PDE1C: variants seen among roughly 807,000 people sequenced by gnomAD.
The protein encoded by PDE1C is dual specificity calcium/calmodulin-dependent 3',5'-cyclic nucleotide phosphodiesterase 1C.
PDE1C carries 62 observed loss-of-function variants against 93.1 expected under a neutral mutation model. The observed-to-expected ratio is 0.67, with a 90% CI of 0.54 to 0.82. The LOEUF (loss-of-function observed/expected upper bound fraction) is 0.82. PDE1C is among the 40% of genes least tolerant of loss of function. The pLI, the probability that PDE1C is intolerant of heterozygous loss-of-function variation, is 0.00. For synonymous variants in PDE1C, 325 were observed against 310.1 expected (o/e 1.05, Z -0.50); for missense variants, 742 against 884.6 (o/e 0.84, Z 2.04).
At chr7:32,189,622 T>A (rs1024473970) in intron 2 of PDE1C, among the ~76,000 whole-genome samples, 3 of 152,186 alleles carry the variant, frequency 2.0e-5, no homozygotes, top group African/African-American at 7.2e-5. Flanking sequence ...ATATAGTATA[T>A]ATGATGTGCT....
chr7:31,783,034 A>G (rs1450023677), intron 16 of PDE1C, among the ~76,000 whole-genome samples: 1 of 152,190 alleles, frequency 6.6e-6, no homozygotes, highest in Admixed American at 6.5e-5. Flanking sequence ...ACGTGACCCC[A>G]TGGTAAGTCA....
intron 2 of PDE1C, among the ~76,000 whole-genome samples, chr7:32,000,951 T>C (rs774481107): frequency 9.9e-5 from 15 of 152,190 alleles, no homozygotes; most frequent in Non-Finnish European, 1.6e-4. Context: ...AAGGTCGAGA[T>C]TGATCTCTCC....
intron 16 of PDE1C, among the ~76,000 whole-genome samples, chr7:31,799,542 G>A (rs896762852): frequency 6.6e-6 from 1 of 151,380 alleles, no homozygotes; most frequent in Non-Finnish European, 1.5e-5. Flanking sequence ...TAACTTGTTA[G>A]GAATCATCTA....
the PDE1C span, among the ~76,000 whole-genome samples, chr7:31,739,194 C>G: frequency 8.7e-6 from 1 of 114,804 alleles, no homozygotes. Context: ...TCAGCAGTAA[C>G]TTTTAGACAC....
At chr7:32,002,825 A>G (rs891899019) in intron 2 of PDE1C, among the ~76,000 whole-genome samples, 1 of 152,230 alleles carries the variant, frequency 6.6e-6, no homozygotes, top group African/African-American at 2.4e-5. Context: ...GTACCTGGAA[A>G]GTGCTCATAT....
intron 1 of PDE1C, among the ~76,000 whole-genome samples, chr7:32,289,279 C>T (rs1467442981): frequency 6.6e-6 from 1 of 152,076 alleles, no homozygotes; most frequent in Non-Finnish European, 1.5e-5. Context: ...TGGTGGTGCA[C>T]ACCTGTAGTC....
chr7:31,758,621 C>T (rs1430615952), intron 17 of PDE1C, among the ~76,000 whole-genome samples: 4 of 152,152 alleles, frequency 2.6e-5, no homozygotes, highest in African/African-American at 7.2e-5. Flanking sequence ...AATATCCTAA[C>T]GTGAAGTAAA....
the PDE1C span, among the ~76,000 whole-genome samples, chr7:31,716,142 T>C: frequency 3.9e-5 from 6 of 152,294 alleles, no homozygotes; most frequent in East Asian, 9.7e-4. Flanking sequence ...GAGGTGTCTG[T>C]GGTGCAAAGT....
At chr7:32,254,963 TCAAA>T (rs1809676812) in intron 1 of PDE1C, among the ~76,000 whole-genome samples, 1 of 152,086 alleles carries the variant, frequency 6.6e-6, no homozygotes, top group South Asian at 2.1e-4. Flanking sequence ...TTGCAAAAAA[TCAAA>T]CAAACATTTT....
intron 2 of PDE1C, among the ~76,000 whole-genome samples, chr7:32,170,908 A>G (rs1267669666): frequency 6.6e-6 from 1 of 152,070 alleles, no homozygotes; most frequent in East Asian, 1.9e-4. Context: ...ACTGGGCCTA[A>G]TCACCCCAGG....
the PDE1C span, among the ~76,000 whole-genome samples, chr7:31,740,075 G>A: frequency 9.2e-5 from 14 of 152,208 alleles, no homozygotes; most frequent in African/African-American, 3.1e-4. Flanking sequence ...ATGAAATACT[G>A]GCTGTGTAAG....
intron 2 of PDE1C, among the ~76,000 whole-genome samples, chr7:32,044,953 T>C (rs1048326599): frequency 3.3e-5 from 5 of 152,062 alleles, no homozygotes; most frequent in African/African-American, 1.2e-4. Context: ...TGAGCTATTA[T>C]ACTTACTACA....
At chr7:32,227,462 G>A (rs944317458) in intron 1 of PDE1C, among the ~76,000 whole-genome samples, 1 of 152,160 alleles carries the variant, frequency 6.6e-6, no homozygotes, top group African/African-American at 2.4e-5. Context: ...TGTCGGCCCT[G>A]TGAGCCAGGG....
chr7:32,335,073 C>T (rs1783591637), intron 1 of PDE1C, among the ~76,000 whole-genome samples: 1 of 152,184 alleles, frequency 6.6e-6, no homozygotes, highest in Non-Finnish European at 1.5e-5. Flanking sequence ...TATTTACGAA[C>T]ATCATGTAAT....
In PDE1C at chr7:32,207,679, C is replaced by T. The variant is rs567757578; in HGVS notation, c.136+1810G>A. 3.3e-5 allele frequency among the ~76,000 whole-genome samples: 5 copies of T among 152,238 alleles called. No individual in the cohort carries two copies. In the East Asian group the frequency reaches 9.6e-4, roughly 29 times the overall value. On this transcript the variant is annotated intron_variant, in intron 2 of 18. Coordinates refer to the PDE1C transcript ENST00000396193. ...GTTTGCCACTAATTACTTTTTCCTA[C>T]ACAGATACGTGTTCATCATGTCCTC...
intron 1 of PDE1C, chr7:32,052,259 C>T (rs551957988): frequency 4.3e-6 from 2 of 468,516 alleles, no homozygotes; most frequent in Admixed American, 2.3e-5. Flanking sequence ...CAGTTCCAGC[C>T]CACGTCTGTT....
intron 2 of PDE1C, among the ~76,000 whole-genome samples, chr7:31,913,983 A>G (rs1207683314): frequency 6.6e-6 from 1 of 152,226 alleles, no homozygotes; most frequent in African/African-American, 2.4e-5. Context: ...TTTTTAAACC[A>G]GCAATTATCC....
chr7:31,738,110 C>T, the PDE1C span, among the ~76,000 whole-genome samples: 17 of 152,118 alleles, frequency 1.1e-4, no homozygotes, highest in African/African-American at 3.9e-4. Flanking sequence ...CAGTGTACAC[C>T]TCCCTCCAGC....
intron 2 of PDE1C, among the ~76,000 whole-genome samples, chr7:32,045,365 G>C (rs984096088): frequency 6.6e-6 from 1 of 152,028 alleles, no homozygotes; most frequent in Non-Finnish European, 1.5e-5. Context: ...TGATTCAGGT[G>C]GCAATCTTGG....
Sources: gnomAD v4.1 joint callset for allele counts (sites outside exome capture counted in the v4.1 genomes callset) on GRCh38, gnomAD v4.1.1 for gene constraint, MANE v1.5 for transcripts, NCBI Gene and HGNC (gene_info 2026-07-23, HGNC 2026-07-21) for gene names.